The following UBR4 variants were observed in gnomAD, a reference collection of about 807,000 sequenced individuals.
UBR4 encodes the protein ubiquitin protein ligase E3 component n-recognin 4.
A neutral mutation model predicts 575.6 loss-of-function variants in UBR4; 124 were observed. The observed-to-expected ratio is 0.22, with a 90% CI of 0.19 to 0.25. UBR4 has a LOEUF of 0.25. Among genes scored for constraint, UBR4 ranks in the 10% least tolerant of loss-of-function variants. The pLI is 1.00. For synonymous variants in UBR4, 2,455 were observed against 2,473.7 expected, an observed-to-expected ratio of 0.99 and a Z score of 0.22; for missense variants, 4,818 against 6,478.8, an observed-to-expected ratio of 0.74 and a Z score of 8.80.
intron 38 of UBR4, 90 bp from the exon 39 acceptor site, chr1:19,160,371 C>T: frequency 8.1e-7 from 1 of 1,230,604 alleles, no homozygotes. Flanking sequence ...CCAGTAACTT[C>T]CTTCAGAATC....
chr1:19,169,141 C>T (rs1364617072), intron 27 of UBR4, among the ~76,000 whole-genome samples: 1 of 152,156 alleles, frequency 6.6e-6, no homozygotes, highest in Non-Finnish European at 1.5e-5. Context: ...ATGCTAGGCA[C>T]TTAACATTCA....
intron 64 of UBR4, among the ~76,000 whole-genome samples, chr1:19,125,342 A>G (rs2081607387): frequency 6.6e-6 from 1 of 152,248 alleles, no homozygotes; most frequent in Non-Finnish European, 1.5e-5. Context: ...GTAAACAGGA[A>G]TAAAATATGG....
At chr1:19,166,527 T>C (rs768171718) in intron 29 of UBR4, among the ~76,000 whole-genome samples, 1 of 152,002 alleles carries the variant, frequency 6.6e-6, no homozygotes, top group Non-Finnish European at 1.5e-5. Flanking sequence ...TCTTCACACA[T>C]TTCCACATTA....
intron 91 of UBR4, among the ~76,000 whole-genome samples, 179 bp from the exon 92 acceptor site, chr1:19,096,829 A>G (rs1254297614): frequency 6.6e-6 from 1 of 152,164 alleles, no homozygotes; most frequent in Non-Finnish European, 1.5e-5. Context: ...TCCCACTCTC[A>G]GTAGGAGCTT....
Position 19,118,947 on chromosome 1 carries a change from T to C in UBR4, c.10466A>G (p.Tyr3489Cys). ...TPQTEKKLKEYSQKAVEILRT... is the reference protein window; with the variant it reads ...TPQTEKKLKECSQKAVEILRT... ...CAGAATCTCCACAGCCTTCTGTGAA[T>C]ACTCCTTCAACTGAAACAGAATTCA... The change falls in exon 71 of 106, where the codon TAT becomes TGT. Residue 3489 changes from tyrosine (Y) to cysteine (C), a missense_variant. This residue lies in a region of UBR4 where 550 missense variants were observed against 791.5 expected (regional missense o/e 0.69). Coordinates refer to ENST00000375254, the MANE Select transcript of UBR4 (RefSeq NM_020765.3). 6.2e-7 allele frequency: 1 copy of C among 1,614,174 alleles called. No individual in the cohort carries two copies. Among genetic ancestry groups the C allele is most frequent in the Non-Finnish European group, 8.5e-7 (1 of 1,179,978 alleles).
In UBR4 at chr1:19,085,287, C is replaced by T. The variant is rs557698482; in HGVS notation, c.14814-589G>A. Reference sequence around the variant, plus strand: ...GTGTAATCCCAGCACTTTGAGAGGCCGAGGCAGGTGGATCACCTGAGGTCA... The same window carrying T: ...GTGTAATCCCAGCACTTTGAGAGGCTGAGGCAGGTGGATCACCTGAGGTCA... On this transcript the variant is annotated intron_variant, in intron 101 of 105. Coordinates refer to ENST00000375254, the MANE Select transcript of UBR4 (RefSeq NM_020765.3). Among the ~76,000 whole-genome samples the T allele has an allele frequency of 8.5e-5, 13 of 152,236 alleles. 1 individual carries two copies. Among genetic ancestry groups the T allele is most frequent in the African/African-American group, 2.9e-4 (12 of 41,532 alleles).
chr1:19,136,439 G>C (rs76395627), intron 60 of UBR4, among the ~76,000 whole-genome samples: 2,360 of 151,960 alleles, frequency 0.016, 65 homozygotes, highest in African/African-American at 0.054. Flanking sequence ...TTTGGATAAG[G>C]TAAGTATGCA....
chr1:19,109,559 G>A (rs2079608398), intron 81 of UBR4, among the ~76,000 whole-genome samples: 1 of 152,192 alleles, frequency 6.6e-6, no homozygotes, highest in Admixed American at 6.5e-5. Context: ...CATTTGTTAA[G>A]GATTAACTTA....
At chr1:19,194,208 T>C (rs1231434865) in intron 8 of UBR4, among the ~76,000 whole-genome samples, 1 of 152,216 alleles carries the variant, frequency 6.6e-6, no homozygotes, top group Non-Finnish European at 1.5e-5. Context: ...AATAATAATA[T>C]ATCAATACTG....
intron 81 of UBR4, among the ~76,000 whole-genome samples, chr1:19,108,737 A>G (rs1400976830): frequency 1.3e-5 from 2 of 152,208 alleles, no homozygotes; most frequent in East Asian, 3.8e-4. Context: ...ATAGTGTCTT[A>G]GGACAATTAT....
chr1:19,141,732 T>C lies in UBR4; in HGVS notation c.8225A>G (p.Gln2742Arg), dbSNP rs767754966. Residue 2742 changes from glutamine (Q) to arginine (R), a missense_variant, in exon 56 of 106, where the codon CAG (glutamine) becomes CGG (arginine). Physicochemically the swap from Gln to Arg is conservative, Grantham distance 43. This residue lies in a region of UBR4 where 129 missense variants were observed against 198.4 expected (regional missense o/e 0.65). Coordinates refer to ENST00000375254, the MANE Select transcript of UBR4 (RefSeq NM_020765.3). ...DDDDDADEKM[Q>R]SSGIPNGGHI... The stretch of plus-strand genomic sequence containing the variant: ...ACCACCATTCGGGATCCCTGATGAC[T>C]GCATTTTCTCATCTGCATCATCATC... 1.9e-6 allele frequency: 3 copies of C among 1,614,094 alleles called. No individual in the cohort carries two copies. The African/African-American group carries it at 4.0e-5, about 22-fold the overall frequency.
chr1:19,100,130 A>G lies in UBR4; in HGVS notation c.13221+246T>C. ...GATAATAAATACCCACCACCACTACAACCAACAGCCATTAACAATATGCTT... is the reference window on the plus strand; with the variant it reads ...GATAATAAATACCCACCACCACTACGACCAACAGCCATTAACAATATGCTT... On this transcript the variant is annotated intron_variant, in intron 89 of 105. Coordinates refer to ENST00000375254, the MANE Select transcript of UBR4 (RefSeq NM_020765.3). The surrounding 1 kb of genome is among the most constrained non-coding windows in gnomAD (Gnocchi z 4.2). 1 of 536,872 alleles carries G rather than the reference A, an allele frequency of 1.9e-6. No individual in the cohort carries two copies. Among genetic ancestry groups the G allele is most frequent in the Non-Finnish European group, 3.3e-6 (1 of 304,134 alleles). The allele number at this position is 536,872 out of a possible 1,614,324, so 33.3% of individuals were successfully genotyped here.
chr1:19,148,239 C>A, intron 50 of UBR4, 112 bp from the exon 51 acceptor site: 2 of 1,342,614 alleles, frequency 1.5e-6, no homozygotes, highest in Non-Finnish European at 2.0e-6. Flanking sequence ...CTAGGTTATG[C>A]TCCATGGACT....
intron 102 of UBR4, 96 bp from the exon 103 acceptor site, chr1:19,081,669 G>T: frequency 7.4e-7 from 1 of 1,351,226 alleles, no homozygotes; most frequent in Non-Finnish European, 1.1e-6. Context: ...GTTGTCTTGT[G>T]ACATTTGCTG....
At chr1:19,185,573 CTTTT>C (rs3068081) in intron 14 of UBR4, among the ~76,000 whole-genome samples, 6 of 128,626 alleles carry the variant, frequency 4.7e-5, no homozygotes, top group Non-Finnish European at 3.2e-5. Context: ...TTTCTTTTTT[CTTTT>C]TTTTTTTTTT....
Position 19,118,834 on chromosome 1 carries a change from C to A in UBR4, c.10541+38G>T, listed in dbSNP as rs778414296. Reference sequence around the variant, plus strand: ...TGCAAATAACTCCTCAGAATGCTGACTGAGCTTCCCACAGGTAGAAAGCAA... The same window carrying A: ...TGCAAATAACTCCTCAGAATGCTGAATGAGCTTCCCACAGGTAGAAAGCAA... On this transcript the variant is annotated intron_variant, in intron 71 of 105. Transcript: ENST00000375254. 39 of 1,601,976 alleles carry A rather than the reference C, an allele frequency of 2.4e-5. No individual in the cohort carries two copies. In the South Asian group the frequency reaches 3.9e-4, roughly 16 times the overall value.
chr1:19,193,461 CTT>C lies in UBR4; in HGVS notation c.1113_1114del (p.Ser372Ter). The C allele has an allele frequency of 6.2e-7, 1 of 1,614,174 alleles. No individual in the cohort carries two copies. Among genetic ancestry groups the C allele is most frequent in the Non-Finnish European group, 8.5e-7 (1 of 1,180,012 alleles). ...TTTCTGGACAATTGTAGCTGCGTCA[CTT>C]TCATAGTCATCTTCTTTGGAGCTCG... On this transcript the variant is annotated frameshift_variant, in exon 9 of 106. Coordinates refer to ENST00000375254, the MANE Select transcript of UBR4 (RefSeq NM_020765.3). LOFTEE classifies it high-confidence loss of function.
intron 1 of UBR4, among the ~76,000 whole-genome samples, chr1:19,203,174 T>C (rs1341020601): frequency 6.6e-6 from 1 of 152,130 alleles, no homozygotes; most frequent in African/African-American, 2.4e-5. Context: ...AACAGTTTAC[T>C]TAGTGAGTCA....
chr1:19,186,622 C>T lies in UBR4; in HGVS notation c.1668G>A (p.Met556Ile). 1 of 1,614,152 alleles carries T rather than the reference C, an allele frequency of 6.2e-7. No homozygotes were observed. Among genetic ancestry groups the T allele is most frequent in the Non-Finnish European group, 8.5e-7 (1 of 1,180,004 alleles). Reference sequence around the variant, plus strand: ...CGGTGGAGGCGCTGGCATCGCTGCTCATGGAGCCCTTCCTCTGCCGCTGCA... The same window carrying T: ...CGGTGGAGGCGCTGGCATCGCTGCTTATGGAGCCCTTCCTCTGCCGCTGCA... ...CVLQRQRKGS[M>I]SSDASASTDS... The change falls in exon 14 of 106, where the codon ATG becomes ATA. Residue 556 changes from methionine to isoleucine, a missense_variant. Around this residue, in one of 29 missense-constraint regions of UBR4, gnomAD observed 162 missense variants for 216.4 expected, o/e 0.75. Coordinates refer to ENST00000375254, the MANE Select transcript of UBR4 (RefSeq NM_020765.3).
Sources: gnomAD v4.1 joint callset for allele counts (sites outside exome capture counted in the v4.1 genomes callset) on GRCh38, gnomAD v4.1.1 for gene constraint, gnomAD v4.1.1 regional missense constraint, Gnocchi (gnomAD v3.1) non-coding constraint, MANE v1.5 for transcripts, NCBI Gene and HGNC (gene_info 2026-07-23, HGNC 2026-07-21) for gene names.